TP53INP1: variants seen among roughly 807,000 people sequenced by gnomAD.
The protein encoded by TP53INP1 is tumor protein p53 inducible nuclear protein 1.
A neutral mutation model predicts 21.0 loss-of-function variants in TP53INP1; 12 were observed. The observed-to-expected ratio is 0.57, with a 90% CI of 0.37 to 0.93. The LOEUF is 0.93. TP53INP1 is among the 40% of genes least tolerant of loss of function. The pLI, the probability that TP53INP1 is intolerant of heterozygous loss-of-function variation, is 0.01. For missense variants in TP53INP1, 274 were observed against 294.7 expected (o/e 0.93, Z 0.51); for synonymous variants, 91 against 94.8 (o/e 0.96, Z 0.23).
intron 3 of TP53INP1, among the ~76,000 whole-genome samples, chr8:94,939,455 G>A (rs1194803877): frequency 6.6e-6 from 1 of 152,182 alleles, no homozygotes; most frequent in Non-Finnish European, 1.5e-5. Flanking sequence ...GATGTGCAGT[G>A]GCACAATCTT....
intron 3 of TP53INP1, among the ~76,000 whole-genome samples, chr8:94,937,667 G>A (rs1311334166): frequency 6.6e-6 from 1 of 151,888 alleles, no homozygotes; most frequent in African/African-American, 2.4e-5. Context: ...TGGATGCAAT[G>A]GTCCTAGGAC....
At chr8:94,938,359 T>C (rs1193328665) in intron 3 of TP53INP1, among the ~76,000 whole-genome samples, 1 of 152,250 alleles carries the variant, frequency 6.6e-6, no homozygotes, top group Admixed American at 6.5e-5. Context: ...AGACTGAGGC[T>C]GGACTGTGAT....
intron 3 of TP53INP1, among the ~76,000 whole-genome samples, chr8:94,937,962 G>A (rs754830941): frequency 1.3e-5 from 2 of 152,160 alleles, no homozygotes; most frequent in Non-Finnish European, 2.9e-5. Flanking sequence ...CAGCACAGTG[G>A]CTAAAGCTAA....
chr8:94,930,775 T>C (rs1820319688), intron 3 of TP53INP1, 47 bp from the exon 4 acceptor site: 1 of 1,584,192 alleles, frequency 6.3e-7, no homozygotes, highest in Non-Finnish European at 8.6e-7. Flanking sequence ...GAGTATGTTA[T>C]TAACAAAACT....
At chr8:94,935,940 G>C (rs562905671) in intron 3 of TP53INP1, among the ~76,000 whole-genome samples, 1 of 152,310 alleles carries the variant, frequency 6.6e-6, no homozygotes, top group South Asian at 2.1e-4. Context: ...AACTGGACAT[G>C]CTAAATGGGG....
chr8:94,939,722 T>C, intron 3 of TP53INP1, 138 bp downstream of exon 3: 2 of 1,236,500 alleles, frequency 1.6e-6, no homozygotes, highest in East Asian at 2.4e-5. Context: ...CGGACCATCT[T>C]GTGTACTATG....
chr8:94,948,977 C>T (rs1822285735), intron 1 of TP53INP1, among the ~76,000 whole-genome samples, 177 bp downstream of exon 1: 1 of 150,286 alleles, frequency 6.7e-6, no homozygotes, highest in African/African-American at 2.4e-5. Flanking sequence ...GGGTGGGCGG[C>T]CGGGCCCGGC....
intron 1 of TP53INP1, among the ~76,000 whole-genome samples, chr8:94,941,562 T>C (rs1407517715): frequency 6.6e-6 from 1 of 152,242 alleles, no homozygotes; most frequent in Admixed American, 6.5e-5. Context: ...GCACACCTGA[T>C]TACACTTAAA....
Position 94,943,696 on chromosome 8 carries a change from T to C in TP53INP1, c.-150-2605A>G, listed in dbSNP as rs558076498. 3.9e-5 allele frequency among the ~76,000 whole-genome samples: 6 copies of C among 152,352 alleles called. No homozygotes were observed. The South Asian group carries it at 1.2e-3, about 32-fold the overall frequency. ...TCAGTTCCTTGTGTGTAAACTGAAC[T>C]GCTACAGTTGTTTGGCACACTACTA... On this transcript the variant is annotated intron_variant, in intron 1 of 3. Coordinates refer to ENST00000342697, the MANE Select transcript of TP53INP1 (RefSeq NM_033285.4).
intron 1 of TP53INP1, among the ~76,000 whole-genome samples, chr8:94,943,800 A>G (rs1470359292): frequency 2.0e-5 from 3 of 152,218 alleles, no homozygotes; most frequent in Non-Finnish European, 2.9e-5. Flanking sequence ...CTAATTATTA[A>G]AAATAGGTAA....
chr8:94,930,819 T>G (rs1820322488), intron 3 of TP53INP1, 91 bp from the exon 4 acceptor site: 1 of 1,385,846 alleles, frequency 7.2e-7, no homozygotes. Context: ...TTTGCCACGC[T>G]AATTTGTTTA....
intron 3 of TP53INP1, among the ~76,000 whole-genome samples, chr8:94,936,576 G>T (rs1820997986): frequency 6.6e-6 from 1 of 152,178 alleles, no homozygotes; most frequent in South Asian, 2.1e-4. Context: ...GAAGCCCCTA[G>T]GTTTGGGTTT....
intron 3 of TP53INP1, among the ~76,000 whole-genome samples, chr8:94,933,763 AAAAAAAACCCCC>A (rs1343529533): frequency 3.4e-5 from 5 of 146,210 alleles, no homozygotes; most frequent in South Asian, 4.4e-4. Context: ...AGACTCTCTC[AAAAAAAACCCCC>A]AAAAAAACCA....
intron 1 of TP53INP1, among the ~76,000 whole-genome samples, chr8:94,941,925 T>C (rs1821574989): frequency 6.6e-6 from 1 of 151,728 alleles, no homozygotes; most frequent in African/African-American, 2.4e-5. Context: ...ATACCAAAGA[T>C]AGGTTTTTTT....
At chr8:94,933,507 G>C (rs986791867) in intron 3 of TP53INP1, among the ~76,000 whole-genome samples, 1 of 152,112 alleles carries the variant, frequency 6.6e-6, no homozygotes, top group Non-Finnish European at 1.5e-5. Flanking sequence ...GCTCATACCT[G>C]TAATCCCAGC....
chr8:94,933,834 TGGGGGGGG>T (rs572867137), intron 3 of TP53INP1, among the ~76,000 whole-genome samples: 2 of 59,022 alleles, frequency 3.4e-5, no homozygotes, highest in African/African-American at 1.2e-4. Flanking sequence ...CAGCACTTTG[TGGGGGGGG>T]GGGGAGGATC....
rs986349169 is a variant in TP53INP1 at position 94,930,321 on chromosome 8, A to G, written c.*158T>C. 7.9e-6 allele frequency: 8 copies of G among 1,017,936 alleles called. No individual in the cohort carries two copies. Among genetic ancestry groups the G allele is most frequent in the Non-Finnish European group, 1.1e-5 (8 of 697,346 alleles). 63.1% of individuals were successfully genotyped at this position (1,017,936 alleles called of 1,614,324 possible). A position where few individuals can be genotyped will look rare whatever the true frequency, so the allele number is the denominator to read the frequency against. ...CAAGGCATTATGTGATACACAGCAT[A>G]TAAATCTGATTTTCAAGATAGTGTC... On this transcript the variant is annotated 3_prime_UTR_variant, in exon 4 of 4. Transcript: ENST00000342697.
intron 3 of TP53INP1, among the ~76,000 whole-genome samples, chr8:94,938,244 C>CA: frequency 1.3e-5 from 2 of 152,288 alleles, no homozygotes; most frequent in South Asian, 4.1e-4. Flanking sequence ...CATGCTCATA[C>CA]AGTACGATGA....
chr8:94,944,444 G>C (rs1821815916), intron 1 of TP53INP1, among the ~76,000 whole-genome samples: 1 of 152,234 alleles, frequency 6.6e-6, no homozygotes, highest in South Asian at 2.1e-4. Context: ...TGGAATATAT[G>C]CAAGTAGCAA....
Sources: allele counts gnomAD v4.1 joint callset (sites outside exome capture counted in the v4.1 genomes callset), GRCh38; gene constraint gnomAD v4.1.1; transcripts MANE v1.5; gene names NCBI Gene and HGNC (gene_info 2026-07-23, HGNC 2026-07-21).